MYO5A: variants seen among roughly 807,000 people sequenced by gnomAD.
MYO5A encodes myosin VA, also known as unconventional myosin-Va.
A neutral mutation model predicts 249.7 loss-of-function variants in MYO5A; 98 were observed. The ratio of observed to expected loss-of-function variants is 0.39; its 90% CI spans 0.33 to 0.46. MYO5A has a LOEUF of 0.46. Ranked by LOEUF, MYO5A falls within the 20% of genes least tolerant of loss-of-function variation. The pLI is 0.98. For synonymous variants in MYO5A, 778 were observed against 810.6 expected, an observed-to-expected ratio of 0.96 and a Z score of 0.68; for missense variants, 1,696 against 2,308.8, an observed-to-expected ratio of 0.73 and a Z score of 5.44.
rs1034985307 is a variant in MYO5A, at chr15:52,316,945, G to A, written c.5409+103C>T. The A allele has an allele frequency of 3.8e-5, 49 of 1,281,962 alleles. No individual in the cohort carries two copies. In the African/African-American group the frequency reaches 6.5e-4, roughly 17 times the overall value. The allele number at this position is 1,281,962 out of a possible 1,614,324, so 79.4% of individuals were successfully genotyped here. ...ATATATCTTCTTGAACACAGATGAA[G>A]TCAGCTCAGAGATACAAGCAATAAG... is the stretch of plus-strand genomic sequence containing the variant. On this transcript the variant is annotated intron_variant, in intron 40 of 41. Coordinates refer to ENST00000399233, the MANE Select transcript of MYO5A (RefSeq NM_001382347.1).
chr15:52,476,554 T>C (rs1331341429), intron 1 of MYO5A, among the ~76,000 whole-genome samples: 4 of 152,254 alleles, frequency 2.6e-5, no homozygotes, highest in Non-Finnish European at 4.4e-5. Context: ...CCATGTTTAA[T>C]GCTTCCTTCA....
At position 52,461,574 on chromosome 15, in the gene MYO5A, C is replaced by A. The variant is rs183738619; in HGVS notation, c.28-28289G>T. Among the ~76,000 whole-genome samples, 24 of 152,256 alleles carry A rather than the reference C, an allele frequency of 1.6e-4. No individual in the cohort carries two copies. The East Asian group carries it at 4.6e-3, about 29-fold the overall frequency. On this transcript the variant is annotated intron_variant, in intron 1 of 41. Transcript: ENST00000399233. ...GAACATGAGTAAGCATGAAGGGGCT[C>A]TAGGTTAGTAAAACTTATTCATATT... is the stretch of plus-strand genomic sequence containing the variant.
At chr15:52,322,003 T>C (rs1360795069) in intron 37 of MYO5A, among the ~76,000 whole-genome samples, 1 of 152,192 alleles carries the variant, frequency 6.6e-6, no homozygotes, top group Non-Finnish European at 1.5e-5. Context: ...TTACTCTATT[T>C]CGTAGTACCC....
At chr15:52,506,712 G>C (rs1408751684) in intron 1 of MYO5A, among the ~76,000 whole-genome samples, 1 of 152,176 alleles carries the variant, frequency 6.6e-6, no homozygotes, top group African/African-American at 2.4e-5. Flanking sequence ...GCCTGCACCT[G>C]TAATCCCAGA....
chr15:52,499,205 T>C (rs557070847), intron 1 of MYO5A, among the ~76,000 whole-genome samples: 3 of 152,350 alleles, frequency 2.0e-5, no homozygotes, highest in Non-Finnish European at 4.4e-5. Flanking sequence ...GATACTTGTT[T>C]ACCATAAGAC....
Position 52,311,308 on chromosome 15 carries a change from C to G in MYO5A, c.*2388G>C, listed in dbSNP as rs145821590. ...AGATTTCCAGGGCTGAGGCGGACAG[C>G]CTGTACCACGTTGCATTTTCTTAGC... On this transcript the variant is annotated 3_prime_UTR_variant, in exon 42 of 42. Transcript: ENST00000399233. 24 of 152,330 alleles carry G rather than the reference C, an allele frequency of 1.6e-4. No individual in the cohort carries two copies. Among genetic ancestry groups the G allele is most frequent in the African/African-American group, 5.5e-4 (23 of 41,562 alleles). 9.4% of individuals were successfully genotyped at this position (152,330 alleles called of 1,614,324 possible). A position where few individuals can be genotyped will look rare whatever the true frequency, so the allele number is the denominator to read the frequency against.
chr15:52,377,769 C>T (rs2041499228), intron 18 of MYO5A, among the ~76,000 whole-genome samples: 1 of 151,978 alleles, frequency 6.6e-6, no homozygotes, highest in African/African-American at 2.4e-5. Context: ...CAGGGTTTCA[C>T]CATATTGGCC....
chr15:52,521,527 C>G lies in MYO5A; in HGVS notation c.27+7253G>C, dbSNP rs139300105. ...AGCATCTTGCCCACATTTTTGGCCA[C>G]AGTAGTACATTAGGCCACAGGAGGT... On this transcript the variant is annotated intron_variant, in intron 1 of 41. Coordinates refer to ENST00000399233, the MANE Select transcript of MYO5A (RefSeq NM_001382347.1). Among the ~76,000 whole-genome samples, 42 of 152,280 alleles carry G rather than the reference C, an allele frequency of 2.8e-4. No individual in the cohort carries two copies. The East Asian group carries it at 8.1e-3, about 29-fold the overall frequency.
chr15:52,382,969 T>C (rs1231477725), intron 16 of MYO5A, 122 bp downstream of exon 16: 1 of 841,412 alleles, frequency 1.2e-6, no homozygotes, highest in Non-Finnish European at 2.0e-6. Flanking sequence ...CTACAAGGCA[T>C]GAAGACTTAC....
intron 1 of MYO5A, among the ~76,000 whole-genome samples, chr15:52,454,299 T>G (rs960125715): frequency 6.6e-6 from 1 of 152,056 alleles, no homozygotes; most frequent in African/African-American, 2.4e-5. Flanking sequence ...AAGGGATCAA[T>G]TAAGCAAGAA....
At chr15:52,448,125 C>T (rs2075933036) in intron 1 of MYO5A, among the ~76,000 whole-genome samples, 1 of 152,220 alleles carries the variant, frequency 6.6e-6, no homozygotes, top group Non-Finnish European at 1.5e-5. Flanking sequence ...CAATCCCAGC[C>T]CCTGAGAGCA....
At chr15:52,403,244 T>G (rs1424575233) in intron 9 of MYO5A, among the ~76,000 whole-genome samples, 1 of 152,190 alleles carries the variant, frequency 6.6e-6, no homozygotes, top group East Asian at 1.9e-4. Context: ...AGAGTTCTTT[T>G]TAAAAAATCC....
rs953745969 is a variant in MYO5A at position 52,453,509 on chromosome 15, A to T, written c.28-20224T>A. ...AAAACAAAACATGTGAAGGTATAAAACTCACAGGTAAAAATAGGTACACAA... is the reference window on the plus strand; with the variant it reads ...AAAACAAAACATGTGAAGGTATAAATCTCACAGGTAAAAATAGGTACACAA... On this transcript the variant is annotated intron_variant, in intron 1 of 41. Coordinates refer to ENST00000399233, the MANE Select transcript of MYO5A (RefSeq NM_001382347.1). Among the ~76,000 whole-genome samples, 84 of 152,174 alleles carry T rather than the reference A, an allele frequency of 5.5e-4. 1 individual carries two copies. Among genetic ancestry groups the T allele is most frequent in the Admixed American group, 4.3e-3 (66 of 15,278 alleles).
chr15:52,410,750 G>A (rs1361412472), intron 5 of MYO5A, among the ~76,000 whole-genome samples: 1 of 151,984 alleles, frequency 6.6e-6, no homozygotes, highest in Non-Finnish European at 1.5e-5. Context: ...GCTAATTTTT[G>A]TATTTTTAGC....
intron 1 of MYO5A, among the ~76,000 whole-genome samples, chr15:52,515,298 G>C (rs1016754318): frequency 6.6e-6 from 1 of 150,624 alleles, no homozygotes; most frequent in African/African-American, 2.4e-5. Flanking sequence ...AAGAAAGAAA[G>C]AAAGAAAAAA....
At chr15:52,397,060 T>C (rs539510835) in intron 10 of MYO5A, 141 bp downstream of exon 10, 1 of 987,924 alleles carries the variant, frequency 1.0e-6, no homozygotes, top group African/African-American at 1.6e-5. Flanking sequence ...ATCACCATCA[T>C]CAAGGTATTC....
chr15:52,418,657 G>A (rs2043633734), intron 4 of MYO5A, among the ~76,000 whole-genome samples: 1 of 151,190 alleles, frequency 6.6e-6, no homozygotes, highest in Non-Finnish European at 1.5e-5. Flanking sequence ...TGAGAATAAG[G>A]AAATGGAGTT....
Position 52,397,396 on chromosome 15 carries a change from A to G in MYO5A, c.1124T>C (p.Leu375Pro). ...GVDYEEMCHW[L>P]CHRKLATATE... ...GGCAGTAGCCAGTTTCCGATGGCAG[A>G]GCCAGTGACACATCTCCTCATAGTC... Residue 375 changes from leucine to proline, a missense_variant, in exon 10 of 42, where the codon CTC (leucine) becomes CCC (proline). By Grantham distance (98) the Leu-to-Pro change is moderately conservative. Around this residue, in one of 5 missense-constraint regions of MYO5A, gnomAD observed 185 missense variants for 204.8 expected, o/e 0.90. Transcript: ENST00000399233. The G allele has an allele frequency of 6.2e-7, 1 of 1,614,114 alleles. No individual in the cohort carries two copies. The highest frequency in any genetic ancestry group is 8.5e-7 in the Non-Finnish European group (1 of 1,179,988).
chr15:52,512,363 G>A (rs944174167), intron 1 of MYO5A, among the ~76,000 whole-genome samples: 1 of 151,852 alleles, frequency 6.6e-6, no homozygotes, highest in Non-Finnish European at 1.5e-5. Context: ...TTATCGCAGG[G>A]GTCTCGTTCA....
Sources: gnomAD v4.1 joint callset for allele counts (sites outside exome capture counted in the v4.1 genomes callset) on GRCh38, gnomAD v4.1.1 for gene constraint, gnomAD v4.1.1 regional missense constraint, MANE v1.5 for transcripts, NCBI Gene and HGNC (gene_info 2026-07-23, HGNC 2026-07-21) for gene names.